Variants in GSK3B observed in about 807,000 individuals in gnomAD.
GSK3B encodes glycogen synthase kinase-3 beta.
Under a neutral mutation model 56.4 loss-of-function variants are expected in GSK3B, and 15 were observed. The observed-to-expected ratio is 0.27, with a 90% CI of 0.18 to 0.41. The LOEUF (loss-of-function observed/expected upper bound fraction) is 0.41, where lower values mean the gene tolerates loss of function less well. Ranked by LOEUF, GSK3B falls within the 10% of genes least tolerant of loss-of-function variation. The probability of loss-of-function intolerance (pLI) is 1.00; values close to 1 mark genes in which losing one functional copy is unlikely to be tolerated. For synonymous variants in GSK3B, 181 were observed against 188.9 expected, an observed-to-expected ratio of 0.96 and a Z score of 0.34; for missense variants, 300 against 513.4, an observed-to-expected ratio of 0.58 and a Z score of 4.02.
intron 1 of GSK3B, among the ~76,000 whole-genome samples, chr3:120,072,666 T>C (rs560733073): frequency 1.2e-4 from 18 of 152,324 alleles, no homozygotes; most frequent in African/African-American, 4.3e-4. Context: ...GTATTACAAT[T>C]TGGTCTCTAT....
chr3:120,027,466 T>C (rs2057938134), intron 1 of GSK3B, among the ~76,000 whole-genome samples: 2 of 151,432 alleles, frequency 1.3e-5, no homozygotes, highest in African/African-American at 4.8e-5. Flanking sequence ...CAAAAGAAAG[T>C]AAAAAGAAAC....
chr3:119,842,348 A>T (rs1307241377), intron 10 of GSK3B, among the ~76,000 whole-genome samples: 1 of 152,156 alleles, frequency 6.6e-6, no homozygotes. Context: ...GTCTTGTCAC[A>T]TTCTGATCTA....
chr3:119,848,374 T>G (rs563223142), intron 9 of GSK3B, among the ~76,000 whole-genome samples: 3 of 152,314 alleles, frequency 2.0e-5, no homozygotes, highest in African/African-American at 7.2e-5. Context: ...GCACACACTT[T>G]GGCAATTCAC....
chr3:120,026,646 C>T (rs1387462191), intron 1 of GSK3B, among the ~76,000 whole-genome samples: 1 of 151,576 alleles, frequency 6.6e-6, no homozygotes, highest in African/African-American at 2.4e-5. Flanking sequence ...CAACCTCCAC[C>T]TCCCAGGTTC....
chr3:119,923,892 G>C (rs2056867015), intron 3 of GSK3B, among the ~76,000 whole-genome samples: 1 of 152,146 alleles, frequency 6.6e-6, no homozygotes. Flanking sequence ...TGGATTTCTA[G>C]CCCTAGCTCT....
intron 2 of GSK3B, among the ~76,000 whole-genome samples, chr3:119,950,938 G>A (rs772560423): frequency 6.6e-6 from 1 of 152,158 alleles, no homozygotes; most frequent in Non-Finnish European, 1.5e-5. Context: ...TTAGGATAGA[G>A]AGCAAAAACC....
chr3:120,082,293 A>G (rs777437065), intron 1 of GSK3B, among the ~76,000 whole-genome samples: 11 of 152,066 alleles, frequency 7.2e-5, no homozygotes, highest in Non-Finnish European at 1.6e-4. Context: ...ATTCCTGGAC[A>G]AAATTCTAAG....
rs753409985 is a variant in GSK3B, at chr3:120,093,387, C to T, written c.48G>A (p.Pro16=). 2 of 1,613,640 alleles carry T rather than the reference C, an allele frequency of 1.2e-6. No individual in the cohort carries two copies. The highest frequency in any genetic ancestry group is 1.7e-6 in the Non-Finnish European group (2 of 1,179,562). The part of the protein sequence containing the change: ...RTTSFAESCK[P]VQQPSAFGSM... ...TGCCAAAAGCTGAAGGCTGCTGCAC[C>T]GGCTTGCAGCTCTCCGCAAAGGAGG... is the stretch of plus-strand genomic sequence containing the variant. The change falls in exon 1 of 11, where the codon CCG becomes CCA. Residue 16 remains proline, a synonymous_variant. Coordinates refer to ENST00000264235, the MANE Select transcript of GSK3B (RefSeq NM_001146156.2).
chr3:120,061,771 T>G (rs2107553105), intron 1 of GSK3B, among the ~76,000 whole-genome samples: 1 of 152,332 alleles, frequency 6.6e-6, no homozygotes, highest in East Asian at 1.9e-4. Flanking sequence ...TCACTCTTGT[T>G]GCCCAGGCTG....
Position 119,822,795 on chromosome 3 carries a change from C to T in GSK3B, c.*3993G>A, listed in dbSNP as rs1158581459. On this transcript the variant is annotated 3_prime_UTR_variant, in exon 11 of 11. Transcript: ENST00000264235. ...TAACATGAACAGTAGGAATCAGATA[C>T]AATTTCAGTTGAAAAGAAAGAAAAC... 4.4e-6 allele frequency: 1 copy of T among 228,394 alleles called. No individual in the cohort carries two copies. Among genetic ancestry groups the T allele is most frequent in the Non-Finnish European group, 8.7e-6 (1 of 115,136 alleles). 14.1% of individuals were successfully genotyped at this position (228,394 alleles called of 1,614,324 possible).
chr3:120,014,231 G>A (rs2057805073), intron 1 of GSK3B, among the ~76,000 whole-genome samples: 1 of 151,916 alleles, frequency 6.6e-6, no homozygotes, highest in Non-Finnish European at 1.5e-5. Flanking sequence ...AGCACTTTGG[G>A]AGGCCATGGC....
intron 1 of GSK3B, among the ~76,000 whole-genome samples, chr3:120,033,170 T>G (rs1194699651): frequency 6.6e-6 from 1 of 152,266 alleles, no homozygotes; most frequent in Admixed American, 6.5e-5. Context: ...TGTTGTAGTA[T>G]GCTTTGGTCC....
In GSK3B at chr3:120,062,909, C is replaced by A. The variant is rs553707217; in HGVS notation, c.88+30438G>T. On this transcript the variant is annotated intron_variant, in intron 1 of 10. Transcript: ENST00000264235. ...ATACCCTACTTTCTGGACTTTAGAG[C>A]AGATTACAATACTGTAAGATTTAGG... 7.0e-3 allele frequency among the ~76,000 whole-genome samples: 1,059 copies of A among 152,118 alleles called. 27 individuals are homozygous for A. The highest frequency in any genetic ancestry group is 4.4e-3 in the Non-Finnish European group (296 of 68,014).
intron 1 of GSK3B, among the ~76,000 whole-genome samples, chr3:120,081,318 G>C (rs971337068): frequency 1.3e-4 from 20 of 151,700 alleles, no homozygotes; most frequent in African/African-American, 4.8e-4. Flanking sequence ...ACTTTGGGAG[G>C]CGGGCGGATC....
At chr3:119,947,071 C>T (rs1336870257) in intron 3 of GSK3B, among the ~76,000 whole-genome samples, 197 bp downstream of exon 3, 2 of 151,944 alleles carry the variant, frequency 1.3e-5, no homozygotes, top group African/African-American at 4.8e-5. Flanking sequence ...AAAGTGCATT[C>T]CCTTTATCTT....
intron 1 of GSK3B, among the ~76,000 whole-genome samples, chr3:120,044,484 A>G (rs1013541473): frequency 1.4e-4 from 20 of 140,132 alleles, no homozygotes; most frequent in Non-Finnish European, 2.8e-4. Flanking sequence ...TCAAGCAGAG[A>G]AAAAAAAAAA....
intron 1 of GSK3B, among the ~76,000 whole-genome samples, chr3:120,054,571 T>C (rs1290478775): frequency 6.6e-6 from 1 of 152,222 alleles, no homozygotes; most frequent in Non-Finnish European, 1.5e-5. Context: ...TGACCCTTTT[T>C]TCTTTTTTAT....
intron 7 of GSK3B, among the ~76,000 whole-genome samples, chr3:119,881,646 A>T (rs1559821001): frequency 6.6e-6 from 1 of 152,230 alleles, no homozygotes; most frequent in African/African-American, 2.4e-5. Flanking sequence ...GTGTGAACAG[A>T]AATCACATGG....
chr3:120,007,645 A>T (rs930862995), intron 1 of GSK3B, among the ~76,000 whole-genome samples: 4 of 152,244 alleles, frequency 2.6e-5, no homozygotes, highest in Non-Finnish European at 5.9e-5. Context: ...TCCATCACAT[A>T]AACAGAACCA....
Sources: allele counts gnomAD v4.1 joint callset (sites outside exome capture counted in the v4.1 genomes callset), GRCh38; gene constraint gnomAD v4.1.1; transcripts MANE v1.5; gene names NCBI Gene and HGNC (gene_info 2026-07-23, HGNC 2026-07-21).